The following ADAMTS2 variants were observed in gnomAD, a reference collection of about 807,000 sequenced individuals.
ADAMTS2 encodes the protein A disintegrin and metalloproteinase with thrombospondin motifs 2.
Under a neutral mutation model 123.0 loss-of-function variants are expected in ADAMTS2, and 50 were observed. The observed-to-expected ratio is 0.41, with a 90% CI of 0.32 to 0.51. ADAMTS2 has a LOEUF of 0.51. Among genes scored for constraint, ADAMTS2 ranks in the 20% least tolerant of loss-of-function variants. The pLI is 0.35. For synonymous variants in ADAMTS2, 678 were observed against 695.4 expected (o/e 0.98, Z 0.39); for missense variants, 1,494 against 1,705.2 (o/e 0.88, Z 2.18).
intron 3 of ADAMTS2, among the ~76,000 whole-genome samples, chr5:179,269,594 A>G (rs111420632): frequency 7.9e-5 from 12 of 152,290 alleles, no homozygotes; most frequent in African/African-American, 2.9e-4. Flanking sequence ...CCCTCCCATA[A>G]CACATGGGAA....
At chr5:179,293,190 C>T (rs962907413) in intron 2 of ADAMTS2, among the ~76,000 whole-genome samples, 2 of 152,166 alleles carry the variant, frequency 1.3e-5, no homozygotes, top group Admixed American at 6.5e-5. Context: ...AAATAAGGAA[C>T]GTTATTGGTG....
At chr5:179,269,062 C>T (rs920691502) in intron 3 of ADAMTS2, among the ~76,000 whole-genome samples, 6 of 152,176 alleles carry the variant, frequency 3.9e-5, no homozygotes, top group African/African-American at 1.4e-4. Flanking sequence ...TCAAGGCATC[C>T]TTGCAAGAGG....
At position 179,163,965 on chromosome 5, in the gene ADAMTS2, G is replaced by C. The variant is rs1220056855; in HGVS notation, c.976-5086C>G. 2.0e-5 allele frequency among the ~76,000 whole-genome samples: 3 copies of C among 152,110 alleles called. No individual in the cohort carries two copies. In the East Asian group the frequency reaches 5.8e-4, roughly 29 times the overall value. Reference sequence around the variant, plus strand: ...GCACAGGGAGGGGAAGCTGCACTGGGGCCAGGGGAGCCCTGGGAGGCAGGA... The same window carrying C: ...GCACAGGGAGGGGAAGCTGCACTGGCGCCAGGGGAGCCCTGGGAGGCAGGA... On this transcript the variant is annotated intron_variant, in intron 5 of 21. Transcript: ENST00000251582.
chr5:179,165,051 C>A (rs1763671275), intron 5 of ADAMTS2, among the ~76,000 whole-genome samples: 1 of 152,238 alleles, frequency 6.6e-6, no homozygotes, highest in Non-Finnish European at 1.5e-5. Context: ...GCAGTCGGAA[C>A]CCAAGGGAAG....
intron 2 of ADAMTS2, among the ~76,000 whole-genome samples, chr5:179,310,406 T>C (rs1308349016): frequency 6.6e-6 from 1 of 152,154 alleles, no homozygotes; most frequent in East Asian, 1.9e-4. Flanking sequence ...AGCCCCCCCA[T>C]AGGCTGCCTT....
At chr5:179,289,467 C>T (rs1756125317) in intron 2 of ADAMTS2, among the ~76,000 whole-genome samples, 1 of 152,158 alleles carries the variant, frequency 6.6e-6, no homozygotes, top group South Asian at 2.1e-4. Context: ...ACAGCACAGT[C>T]AGGACTGCGG....
rs376856341 is a variant in ADAMTS2 at position 179,207,557 on chromosome 5, C to G, written c.847G>C (p.Gly283Arg). The G allele has an allele frequency of 6.2e-7, 1 of 1,613,594 alleles. No homozygotes were observed. The highest frequency in any genetic ancestry group is 1.1e-5 in the South Asian group (1 of 91,058). Residue 283 changes from glycine to arginine, a missense_variant, in exon 4 of 22, where the codon GGG becomes CGG. By Grantham distance (125) the Gly-to-Arg change is moderately radical (BLOSUM62 -2). Coordinates refer to ENST00000251582, the MANE Select transcript of ADAMTS2 (RefSeq NM_014244.5). ...AGGTACTTCTGTACGTGCTCCTTCC[C>G]GTGGAACTGCACCACAGAGTCATCC... ...GVDDSVVQFH[G>R]KEHVQKYLLT...
At chr5:179,247,878 A>G (rs1003286073) in intron 3 of ADAMTS2, among the ~76,000 whole-genome samples, 1 of 152,196 alleles carries the variant, frequency 6.6e-6, no homozygotes, top group Non-Finnish European at 1.5e-5. Context: ...AGTGTTAAAG[A>G]AAGTCCTTCA....
At chr5:179,206,978 G>A (rs1764712664) in intron 4 of ADAMTS2, among the ~76,000 whole-genome samples, 1 of 152,094 alleles carries the variant, frequency 6.6e-6, no homozygotes, top group Non-Finnish European at 1.5e-5. Flanking sequence ...GCTTTAAGGA[G>A]GGGCCCTGGG....
intron 5 of ADAMTS2, among the ~76,000 whole-genome samples, chr5:179,177,272 T>G (rs1418630111): frequency 6.6e-6 from 1 of 152,254 alleles, no homozygotes; most frequent in Non-Finnish European, 1.5e-5. Flanking sequence ...CCCTAGATGA[T>G]CACGGTAGAA....
intron 2 of ADAMTS2, among the ~76,000 whole-genome samples, chr5:179,302,103 TAGGAAGCCACAC>T (rs1219397585): frequency 6.6e-6 from 1 of 150,858 alleles, no homozygotes; most frequent in East Asian, 2.0e-4. Flanking sequence ...GTAGAGTGAG[TAGGAAGCCACAC>T]AGGAGCAGAA....
chr5:179,291,045 A>C (rs1015504766), intron 2 of ADAMTS2, among the ~76,000 whole-genome samples: 1 of 152,218 alleles, frequency 6.6e-6, no homozygotes, highest in Non-Finnish European at 1.5e-5. Flanking sequence ...AGGTTGCTTC[A>C]GGTCTCAGTG....
rs1214225756 is a variant in ADAMTS2, at chr5:179,263,033, G to A, written c.688+9878C>T. Among the ~76,000 whole-genome samples, 5 of 151,006 alleles carry A rather than the reference G, an allele frequency of 3.3e-5. No homozygotes were observed. The East Asian group carries it at 7.8e-4, about 24-fold the overall frequency. Reference sequence around the variant, plus strand: ...CAGTATTATTCCCCCATGATTTGGGGAGCAGTATTATTCCCCCATGATTTG... The same window carrying A: ...CAGTATTATTCCCCCATGATTTGGGAAGCAGTATTATTCCCCCATGATTTG... On this transcript the variant is annotated intron_variant, in intron 3 of 21. Transcript: ENST00000251582.
rs140491842 is a variant in ADAMTS2, at chr5:179,204,563, A to G, written c.891+2950T>C. Among the ~76,000 whole-genome samples, 653 of 152,290 alleles carry G rather than the reference A, an allele frequency of 4.3e-3. 9 individuals carry two copies. The highest frequency in any genetic ancestry group is 0.015 in the African/African-American group (634 of 41,560). ...GGGCTCTGGAAGGTCACCCTTTCTC[A>G]GAAGCTCCCACTTGCTCAATGCCCC... On this transcript the variant is annotated intron_variant, in intron 4 of 21. Transcript: ENST00000251582.
intron 13 of ADAMTS2, among the ~76,000 whole-genome samples, chr5:179,135,056 CTCCCAGCTCCCGGG>C (rs1190421714): frequency 1.4e-5 from 1 of 73,792 alleles, no homozygotes; most frequent in Non-Finnish European, 3.1e-5. Context: ...CCGGCTCCAG[CTCCCAGCTCCCGGG>C]TCCAGCTCCC....
chr5:179,291,386 A>G (rs1230451874), intron 2 of ADAMTS2, among the ~76,000 whole-genome samples: 1 of 152,322 alleles, frequency 6.6e-6, no homozygotes, highest in East Asian at 1.9e-4. Context: ...ATTTCCGGGC[A>G]GTCTTCCAGG....
At chr5:179,248,253 C>T (rs2113464164) in intron 3 of ADAMTS2, among the ~76,000 whole-genome samples, 1 of 151,926 alleles carries the variant, frequency 6.6e-6, no homozygotes, top group African/African-American at 2.4e-5. Context: ...TAAATGAAAA[C>T]ATGAATCAAA....
chr5:179,209,729 C>T (rs1356760151), intron 3 of ADAMTS2, among the ~76,000 whole-genome samples: 4 of 152,224 alleles, frequency 2.6e-5, no homozygotes, highest in Admixed American at 2.6e-4. Context: ...CAGGGCCATC[C>T]ATGCCGTTCC....
intron 2 of ADAMTS2, among the ~76,000 whole-genome samples, chr5:179,305,195 T>A (rs1756637472): frequency 6.6e-6 from 1 of 152,214 alleles, no homozygotes; most frequent in Non-Finnish European, 1.5e-5. Flanking sequence ...CCTAAGATGG[T>A]TGCTGAAGGA....
Sources: allele counts gnomAD v4.1 joint callset (sites outside exome capture counted in the v4.1 genomes callset), GRCh38; gene constraint gnomAD v4.1.1; transcripts MANE v1.5; gene names NCBI Gene and HGNC (gene_info 2026-07-23, HGNC 2026-07-21).